LMO3: variants seen among roughly 807,000 people sequenced by gnomAD.
LMO3 encodes the protein LIM domain only protein 3.
Under a neutral mutation model 15.8 loss-of-function variants are expected in LMO3, and 2 were observed. The observed-to-expected ratio is 0.13, with a 90% CI of 0.05 to 0.40. The LOEUF (loss-of-function observed/expected upper bound fraction) is 0.40, where lower values mean the gene tolerates loss of function less well. LMO3 is among the 10% of genes least tolerant of loss of function. The pLI, the probability that LMO3 is intolerant of heterozygous loss-of-function variation, is 0.99. For synonymous variants in LMO3, 62 were observed against 63.8 expected (o/e 0.97, Z 0.13); for missense variants, 86 against 182.2 (o/e 0.47, Z 3.04).
upstream of LMO3, chr12:16,606,978 A>G (rs1484340013): frequency 6.6e-6 from 1 of 152,218 alleles, no homozygotes; most frequent in African/African-American, 2.4e-5. Flanking sequence ...ATTAAAATAA[A>G]AGCAAGAGAA....
chr12:16,600,595 A>C, intron 2 of LMO3, 60 bp downstream of exon 2: 1 of 1,423,246 alleles, frequency 7.0e-7, no homozygotes, highest in Non-Finnish European at 9.9e-7. Context: ...CAAAAAATAC[A>C]CTTACAAAAG....
At chr12:16,556,151 G>A (rs1390181803) in intron 3 of LMO3, among the ~76,000 whole-genome samples, 1 of 152,032 alleles carries the variant, frequency 6.6e-6, no homozygotes, top group Non-Finnish European at 1.5e-5. Context: ...ACATATTTGG[G>A]AAAATTTCAT....
chr12:16,554,818 G>A lies in LMO3; in HGVS notation c.333-3491C>T, dbSNP rs186629623. Among the ~76,000 whole-genome samples, 621 of 152,084 alleles carry A rather than the reference G, an allele frequency of 4.1e-3. 1 individual carries two copies. Among genetic ancestry groups the A allele is most frequent in the Non-Finnish European group, 6.3e-3 (431 of 67,966 alleles). The stretch of plus-strand genomic sequence containing the variant: ...ACTACAGGCGCCCGCCACCTCGACC[G>A]GCTCATTTTTTTGTATTTTTTAGTA... On this transcript the variant is annotated intron_variant, in intron 3 of 3. Coordinates refer to ENST00000537304, the MANE Select transcript of LMO3 (RefSeq NM_018640.5).
chr12:16,604,638 G>A lies in LMO3; in HGVS notation c.-9+1428C>T, dbSNP rs1250927113. 1 of 572,604 alleles carries A rather than the reference G, an allele frequency of 1.7e-6. No homozygotes were observed. The highest frequency in any genetic ancestry group is 1.9e-5 in the African/African-American group (1 of 53,482). The allele number at this position is 572,604 out of a possible 1,614,324, so 35.5% of individuals were successfully genotyped here. A position where few individuals can be genotyped will look rare whatever the true frequency, so the allele number is the denominator to read the frequency against. ...CGGAGTTTATGCTCCAGCCTTTTGTGGTTGTGTCTTTGCAGCCACACAGGG... is the reference window on the plus strand; with the variant it reads ...CGGAGTTTATGCTCCAGCCTTTTGTAGTTGTGTCTTTGCAGCCACACAGGG... On this transcript the variant is annotated intron_variant, in intron 1 of 3. Coordinates refer to ENST00000537304, the MANE Select transcript of LMO3 (RefSeq NM_018640.5). This position sits in a 1 kb window ranked among gnomAD's most constrained non-coding sequence, Gnocchi z 5.3.
At chr12:16,577,618 A>G (rs1943034904) in intron 2 of LMO3, among the ~76,000 whole-genome samples, 1 of 152,224 alleles carries the variant, frequency 6.6e-6, no homozygotes, top group Non-Finnish European at 1.5e-5. Flanking sequence ...TAGTTTTGGA[A>G]GAGGACAAGT....
chr12:16,593,700 A>G lies in LMO3; in HGVS notation c.206+6955T>C, dbSNP rs1943562018. The stretch of plus-strand genomic sequence containing the variant: ...TAATAAGAGGATATGCTTAGGTCCT[A>G]ATTCCTTTAGAGAAAGTTATCCATT... On this transcript the variant is annotated intron_variant, in intron 2 of 3. Coordinates refer to ENST00000537304, the MANE Select transcript of LMO3 (RefSeq NM_018640.5). This position sits in a 1 kb window ranked among gnomAD's most constrained non-coding sequence, Gnocchi z 4.2. 6.6e-6 allele frequency among the ~76,000 whole-genome samples: 1 copy of G among 151,864 alleles called. No homozygotes were observed. The highest frequency in any genetic ancestry group is 2.1e-4 in the South Asian group (1 of 4,824).
chr12:16,551,186 A>C lies in LMO3; in HGVS notation c.*36T>G. On this transcript the variant is annotated 3_prime_UTR_variant, in exon 4 of 4. Coordinates refer to ENST00000537304, the MANE Select transcript of LMO3 (RefSeq NM_018640.5). Reference sequence around the variant, plus strand: ...TGGAGCAAAAAAGATAAAAGAATGTAGTGCTTTGTATTCTTAATGGGGTGA... The same window carrying C: ...TGGAGCAAAAAAGATAAAAGAATGTCGTGCTTTGTATTCTTAATGGGGTGA... 8.0e-7 allele frequency: 1 copy of C among 1,255,838 alleles called. No individual in the cohort carries two copies. Among genetic ancestry groups the C allele is most frequent in the Non-Finnish European group, 1.2e-6 (1 of 853,838 alleles). 77.8% of individuals were successfully genotyped at this position (1,255,838 alleles called of 1,614,324 possible).
chr12:16,557,762 G>GTATT (rs1942246006), intron 3 of LMO3, among the ~76,000 whole-genome samples: 1 of 151,984 alleles, frequency 6.6e-6, no homozygotes, highest in Non-Finnish European at 1.5e-5. Flanking sequence ...TGCAAGAGAG[G>GTATT]TATTAGTGTT....
Position 16,605,067 on chromosome 12 carries a change from G to T in LMO3, c.-9+999C>A, listed in dbSNP as rs538147423. The T allele has an allele frequency of 1.4e-5, 20 of 1,479,036 alleles. No individual in the cohort carries two copies. The Admixed American group carries it at 4.0e-4, about 29-fold the overall frequency. 91.6% of individuals were successfully genotyped at this position (1,479,036 alleles called of 1,614,324 possible). On this transcript the variant is annotated intron_variant, in intron 1 of 3. Coordinates refer to ENST00000537304, the MANE Select transcript of LMO3 (RefSeq NM_018640.5). ...GGAGCGGGTCGGAGTGGCGGCAGGG[G>T]GTGGGGGAAGGGATGAGGACGGCCA...
rs1212872690 is a variant in LMO3 at position 16,551,030 on chromosome 12, T to TAAA, written c.*189_*191dup. 8.0e-6 allele frequency: 4 copies of TAAA among 497,078 alleles called. No individual in the cohort carries two copies. The highest frequency in any genetic ancestry group is 1.1e-5 in the Non-Finnish European group (3 of 276,980). 30.8% of individuals were successfully genotyped at this position (497,078 alleles called of 1,614,324 possible). Reference sequence around the variant, plus strand: ...TGTACATTACTTTTTTCTTTAATAATAAACATTCAACTCTGAACTGGGGCA... The same window carrying TAAA: ...TGTACATTACTTTTTTCTTTAATAATAAAAAACATTCAACTCTGAACTGGGGCA... On this transcript the variant is annotated 3_prime_UTR_variant, in exon 4 of 4. Coordinates refer to ENST00000537304, the MANE Select transcript of LMO3 (RefSeq NM_018640.5).
intron 2 of LMO3, among the ~76,000 whole-genome samples, chr12:16,579,143 A>T (rs1339169268): frequency 6.6e-6 from 1 of 152,136 alleles, no homozygotes; most frequent in Non-Finnish European, 1.5e-5. Context: ...TTTGAAGAGA[A>T]CAACATGTTT....
Position 16,586,633 on chromosome 12 carries a change from C to T in LMO3, c.206+14022G>A, listed in dbSNP as rs1469926581. ...TGGCAGGACCACTTGTCTCCCAAAG[C>T]CTGTCCTAGGATGTGGCAATAAGGC... is the stretch of plus-strand genomic sequence containing the variant. On this transcript the variant is annotated intron_variant, in intron 2 of 3. Transcript: ENST00000537304. This position sits in a 1 kb window ranked among gnomAD's most constrained non-coding sequence, Gnocchi z 4.3. Among the ~76,000 whole-genome samples the T allele has an allele frequency of 5.9e-5, 9 of 152,198 alleles. No homozygotes were observed.
chr12:16,608,703 G>GGAGA (rs141754574), upstream of LMO3: 1 of 151,146 alleles, frequency 6.6e-6, no homozygotes, highest in Non-Finnish European at 1.5e-5. The surrounding 1 kb of genome is among the most constrained non-coding windows in gnomAD (Gnocchi z 4.1). Flanking sequence ...CAAGCAAGGA[G>GGAGA]GAGAGAGAGA....
chr12:16,560,642 T>C lies in LMO3; in HGVS notation c.207-104A>G. On this transcript the variant is annotated intron_variant, in intron 2 of 3. Transcript: ENST00000537304. This position sits in a 1 kb window ranked among gnomAD's most constrained non-coding sequence, Gnocchi z 5.0. ...TACTCTGTAAAGCTACAATACACAA[T>C]GCTTTATGATGTACACAAGTGGATT... 1.0e-6 allele frequency: 1 copy of C among 973,122 alleles called. No individual in the cohort carries two copies. Among genetic ancestry groups the C allele is most frequent in the Non-Finnish European group, 1.5e-6 (1 of 647,188 alleles). The allele number at this position is 973,122 out of a possible 1,614,324, so 60.3% of individuals were successfully genotyped here. A position where few individuals can be genotyped will look rare whatever the true frequency, so the allele number is the denominator to read the frequency against.
In LMO3 at chr12:16,559,445, G is replaced by A. The variant is rs1350989532; in HGVS notation, c.332+968C>T. Among the ~76,000 whole-genome samples, 2 of 149,670 alleles carry A rather than the reference G, an allele frequency of 1.3e-5. No individual in the cohort carries two copies. The highest frequency in any genetic ancestry group is 1.3e-4 in the Admixed American group (2 of 15,232). On this transcript the variant is annotated intron_variant, in intron 3 of 3. Transcript: ENST00000537304. This position sits in a 1 kb window ranked among gnomAD's most constrained non-coding sequence, Gnocchi z 4.1. ...AATGAAAAACCTGAGGTCCAGAGAG[G>A]GAAGGTGTTTGTTTGGTTTAAGATC...
Position 16,589,252 on chromosome 12 carries a change from C to G in LMO3, c.206+11403G>C, listed in dbSNP as rs1203459032. ...TATAACAACAGTAGATGAATGCATC[C>G]TAATAGGAATACATAAGTTATCTGC... On this transcript the variant is annotated intron_variant, in intron 2 of 3. Coordinates refer to ENST00000537304, the MANE Select transcript of LMO3 (RefSeq NM_018640.5). The surrounding 1 kb of genome is among the most constrained non-coding windows in gnomAD (Gnocchi z 4.2). Among the ~76,000 whole-genome samples, 1 of 151,944 alleles carries G rather than the reference C, an allele frequency of 6.6e-6. No homozygotes were observed. Among genetic ancestry groups the G allele is most frequent in the Non-Finnish European group, 1.5e-5 (1 of 67,966 alleles).
chr12:16,561,246 G>C (rs1942394730), intron 2 of LMO3, among the ~76,000 whole-genome samples: 1 of 152,080 alleles, frequency 6.6e-6, no homozygotes, highest in South Asian at 2.1e-4. Flanking sequence ...TGACCTAAAA[G>C]AAGTACAAAA....
chr12:16,566,378 T>A (rs899002326), intron 2 of LMO3, among the ~76,000 whole-genome samples: 3 of 151,770 alleles, frequency 2.0e-5, no homozygotes, highest in Non-Finnish European at 4.4e-5. Flanking sequence ...CTGTATATTA[T>A]AAAATAGGTA....
intron 1 of LMO3, chr12:16,605,709 G>A: frequency 6.9e-7 from 1 of 1,452,652 alleles, no homozygotes. Context: ...CCGGGAGTCA[G>A]GGGTGTGGAA....
Sources: allele counts gnomAD v4.1 joint callset (sites outside exome capture counted in the v4.1 genomes callset), GRCh38; gene constraint gnomAD v4.1.1; non-coding constraint Gnocchi (gnomAD v3.1); transcripts MANE v1.5; gene names NCBI Gene and HGNC (gene_info 2026-07-23, HGNC 2026-07-21).